Variants in SHISA9 observed in about 807,000 individuals in gnomAD.
The protein encoded by SHISA9 is shisa family member 9.
In SHISA9, 13 loss-of-function variants were observed where a neutral mutation model predicts 38.0. The observed-to-expected ratio is 0.34, with a 90% CI of 0.22 to 0.54. The LOEUF is 0.54. Among genes scored for constraint, SHISA9 ranks in the 20% least tolerant of loss-of-function variants. The pLI, the probability that SHISA9 is intolerant of heterozygous loss-of-function variation, is 0.91. For synonymous variants in SHISA9, 275 were observed against 242.0 expected (o/e 1.14, Z -1.27); for missense variants, 538 against 575.8 (o/e 0.93, Z 0.67).
the SHISA9 span, among the ~76,000 whole-genome samples, chr16:13,310,353 C>T: frequency 1.3e-5 from 2 of 151,552 alleles, no homozygotes; most frequent in African/African-American, 4.9e-5. Flanking sequence ...GTTTAAAGAA[C>T]AGTTTAGTGA....
chr16:13,276,865 T>A, the SHISA9 span, among the ~76,000 whole-genome samples: 1 of 152,048 alleles, frequency 6.6e-6, no homozygotes, highest in Non-Finnish European at 1.5e-5. Context: ...ACTCTGTGGG[T>A]TGTGTTTACT....
chr16:13,078,183 G>T (rs892456586), intron 2 of SHISA9, among the ~76,000 whole-genome samples: 1 of 152,146 alleles, frequency 6.6e-6, no homozygotes, highest in South Asian at 2.1e-4. Flanking sequence ...ATCCGCAGGG[G>T]ATTGGTTCCA....
chr16:13,208,073 A>G (rs1042398283), intron 3 of SHISA9, among the ~76,000 whole-genome samples: 7 of 152,130 alleles, frequency 4.6e-5, no homozygotes, highest in African/African-American at 1.7e-4. Flanking sequence ...TCTCACTCAG[A>G]CTCTAACTGT....
chr16:13,005,807 G>A (rs114013520), intron 2 of SHISA9, among the ~76,000 whole-genome samples: 3,269 of 152,300 alleles, frequency 0.021, 113 homozygotes, highest in African/African-American at 0.074. Context: ...GGTAAAGAGA[G>A]ATGTTCACAA....
chr16:12,909,403 A>G (rs1035986221), intron 1 of SHISA9: 11 of 985,332 alleles, frequency 1.1e-5, no homozygotes, highest in South Asian at 4.7e-5. Flanking sequence ...ACTCTATTCA[A>G]GTGTTTAAAA....
At chr16:13,369,340 G>T in the SHISA9 span, among the ~76,000 whole-genome samples, 1 of 152,072 alleles carries the variant, frequency 6.6e-6, no homozygotes, top group Non-Finnish European at 1.5e-5. Context: ...ACATTAACAT[G>T]TGTTCAGTCT....
the SHISA9 span, among the ~76,000 whole-genome samples, chr16:13,446,967 G>A: frequency 7.1e-6 from 1 of 140,036 alleles, no homozygotes; most frequent in Non-Finnish European, 1.5e-5. Context: ...GTAACAGAGC[G>A]AAACTCCATC....
At chr16:13,076,016 C>T (rs887615171) in intron 2 of SHISA9, among the ~76,000 whole-genome samples, 12 of 151,686 alleles carry the variant, frequency 7.9e-5, no homozygotes, top group Non-Finnish European at 1.6e-4. Flanking sequence ...AATCAACCCC[C>T]ATTGAGAAAT....
At chr16:13,196,420 A>G (rs906258194) in intron 2 of SHISA9, among the ~76,000 whole-genome samples, 1 of 150,102 alleles carries the variant, frequency 6.7e-6, no homozygotes, top group African/African-American at 2.5e-5. Context: ...AGAAAGAAAA[A>G]AAAAAGTCCA....
intron 2 of SHISA9, among the ~76,000 whole-genome samples, chr16:13,054,676 G>A (rs957313725): frequency 2.0e-5 from 3 of 152,118 alleles, no homozygotes; most frequent in Admixed American, 6.5e-5. Context: ...TGAATACCTC[G>A]TATGCAGAGG....
At chr16:13,373,512 C>T in the SHISA9 span, among the ~76,000 whole-genome samples, 1 of 152,174 alleles carries the variant, frequency 6.6e-6, no homozygotes, top group Non-Finnish European at 1.5e-5. Context: ...CCTGTAATCC[C>T]AGCACTTTGG....
the SHISA9 span, among the ~76,000 whole-genome samples, chr16:13,448,591 C>A: frequency 2.0e-5 from 3 of 152,250 alleles, no homozygotes; most frequent in African/African-American, 7.2e-5. Context: ...GCAGAGCCTA[C>A]ATGTTCCTGA....
At chr16:13,113,464 C>A (rs2074000070) in intron 2 of SHISA9, among the ~76,000 whole-genome samples, 1 of 152,100 alleles carries the variant, frequency 6.6e-6, no homozygotes. Context: ...ATCTGTATAT[C>A]CCGTGATCAA....
chr16:13,095,501 A>AG lies in SHISA9; in HGVS notation c.692-107889dup, dbSNP rs369495384. Among the ~76,000 whole-genome samples, 210 of 152,348 alleles carry AG rather than the reference A, an allele frequency of 1.4e-3. 4 individuals are homozygous for AG. The highest frequency in any genetic ancestry group is 6.8e-3 in the Middle Eastern group (2 of 294). ...AACGAAAAGGGAAATGGTGGTGGTT[A>AG]GGGGTGGCTTCCAGTATCCTCCTCA... On this transcript the variant is annotated intron_variant, in intron 2 of 4. Coordinates refer to ENST00000558583, the MANE Select transcript of SHISA9 (RefSeq NM_001145204.3).
chr16:13,262,678 G>GAGGGAGGGAGGGAGTAAGGAAGGA, the SHISA9 span, among the ~76,000 whole-genome samples: 1 of 55,864 alleles, frequency 1.8e-5, no homozygotes, highest in African/African-American at 8.9e-5. Flanking sequence ...GGAAGGGAGG[G>GAGGGAGGGAGGGAGTAAGGAAGGA]AGGAAGGAAG....
At chr16:13,171,166 A>G (rs943456003) in intron 2 of SHISA9, among the ~76,000 whole-genome samples, 5 of 151,684 alleles carry the variant, frequency 3.3e-5, no homozygotes, top group African/African-American at 7.3e-5. Context: ...AAGATCCCAG[A>G]CTCTTTTTAA....
the SHISA9 span, among the ~76,000 whole-genome samples, chr16:13,458,860 GT>G: frequency 6.6e-6 from 1 of 151,010 alleles, no homozygotes; most frequent in Non-Finnish European, 1.5e-5. Context: ...GTTTTGTTTT[GT>G]TTTTTGTTTT....
the SHISA9 span, among the ~76,000 whole-genome samples, chr16:13,247,006 A>T: frequency 6.7e-6 from 1 of 149,540 alleles, no homozygotes; most frequent in South Asian, 2.1e-4. Context: ...AAATATAATA[A>T]TATAATAAAA....
the SHISA9 span, chr16:13,458,599 C>A: frequency 2.6e-6 from 1 of 390,636 alleles, no homozygotes; most frequent in South Asian, 2.1e-5. Flanking sequence ...ACTTAGAATC[C>A]AGCTAAGAGA....
Sources: allele counts gnomAD v4.1 joint callset (sites outside exome capture counted in the v4.1 genomes callset), GRCh38; gene constraint gnomAD v4.1.1; transcripts MANE v1.5; gene names NCBI Gene and HGNC (gene_info 2026-07-23, HGNC 2026-07-21).